USH2A: variants seen among roughly 807,000 people sequenced by gnomAD.
USH2A encodes the protein Usher syndrome 2A (autosomal recessive, mild).
In USH2A, 443 loss-of-function variants were observed where a neutral mutation model predicts 538.9. That is an observed-to-expected ratio of 0.82 (90% confidence interval 0.76 to 0.89). The LOEUF (loss-of-function observed/expected upper bound fraction) is 0.89. Among genes scored for constraint, USH2A ranks in the 40% least tolerant of loss-of-function variants. The pLI, the probability that USH2A is intolerant of heterozygous loss-of-function variation, is 0.00. For missense variants in USH2A, 6,633 were observed against 6,324.8 expected (o/e 1.05, Z -1.65); for synonymous variants, 2,413 against 2,273.5 (o/e 1.06, Z -1.75).
intron 4 of USH2A, among the ~76,000 whole-genome samples, chr1:216,341,096 C>T (rs2038068201): frequency 6.6e-6 from 1 of 152,086 alleles, no homozygotes; most frequent in Non-Finnish European, 1.5e-5. Context: ...TTAGAAAACG[C>T]CATTGTTTCA....
chr1:215,625,809 C>T lies in USH2A; in HGVS notation c.15581G>A (p.Arg5194His), dbSNP rs727505155. The change falls in exon 72 of 72, where the codon CGC becomes CAC. Residue 5194 changes from arginine (R) to histidine (H), a missense_variant. Arg to His is a conservative substitution (Grantham distance 29, BLOSUM62 0). Transcript: ENST00000307340. ...CAGGTGGGTGTCTGTGAATGTGGTG[C>T]GTTCCTTAGTCACTGAGCTGAAATC... ...IKDFSSVTKE[R>H]TTFTDTHL 47 of 1,613,912 alleles carry T rather than the reference C, an allele frequency of 2.9e-5. No individual in the cohort carries two copies. The highest frequency in any genetic ancestry group is 5.0e-5 in the Admixed American group (3 of 59,984).
chr1:216,344,965 C>T (rs1218973298), intron 4 of USH2A, among the ~76,000 whole-genome samples: 1 of 151,246 alleles, frequency 6.6e-6, no homozygotes, highest in Admixed American at 6.6e-5. Flanking sequence ...ATTAGGCATG[C>T]ATGTGAATGT....
chr1:215,878,437 C>G (rs1013233846), intron 42 of USH2A, among the ~76,000 whole-genome samples: 3 of 152,066 alleles, frequency 2.0e-5, no homozygotes, highest in Non-Finnish European at 4.4e-5. Flanking sequence ...TACATTTGTG[C>G]AAATGTATCA....
At position 215,863,033 on chromosome 1, in the gene USH2A, A is replaced by C. The variant is rs547640492; in HGVS notation, c.8845+3974T>G. On this transcript the variant is annotated intron_variant, in intron 44 of 71. Transcript: ENST00000307340. Reference sequence around the variant, plus strand: ...AGTATGATAGGAAGACTCAGGAAAGAACTTTGAGAAACATCTTTAGGGATG... The same window carrying C: ...AGTATGATAGGAAGACTCAGGAAAGCACTTTGAGAAACATCTTTAGGGATG... 2.6e-3 allele frequency among the ~76,000 whole-genome samples: 403 copies of C among 152,340 alleles called. 1 individual carries two copies. Among genetic ancestry groups the C allele is most frequent in the African/African-American group, 9.5e-3 (394 of 41,580 alleles).
chr1:216,145,890 G>A (rs2033689814), intron 21 of USH2A, among the ~76,000 whole-genome samples: 1 of 151,852 alleles, frequency 6.6e-6, no homozygotes, highest in Non-Finnish European at 1.5e-5. Context: ...CCCTTTGACT[G>A]TAATTTTCCT....
chr1:216,280,304 T>C (rs1247131219), intron 11 of USH2A, among the ~76,000 whole-genome samples: 2 of 152,080 alleles, frequency 1.3e-5, no homozygotes, highest in Non-Finnish European at 2.9e-5. Flanking sequence ...AGACTTCTTT[T>C]CCATGGTGAA....
intron 55 of USH2A, among the ~76,000 whole-genome samples, chr1:215,779,471 C>A (rs1318483621): frequency 6.6e-6 from 1 of 152,140 alleles, no homozygotes; most frequent in Admixed American, 6.5e-5. Flanking sequence ...TAACCTCTGG[C>A]TGATTTTCCC....
At chr1:216,403,211 A>G (rs541935270) in intron 3 of USH2A, among the ~76,000 whole-genome samples, 1 of 152,256 alleles carries the variant, frequency 6.6e-6, no homozygotes, top group African/African-American at 2.4e-5. Flanking sequence ...TGAATCAGAA[A>G]ATGCCTTGTG....
chr1:215,897,805 AAAG>A (rs1342515569), intron 40 of USH2A, among the ~76,000 whole-genome samples: 1 of 151,706 alleles, frequency 6.6e-6, no homozygotes, highest in Non-Finnish European at 1.5e-5. Context: ...AGAAACAAAG[AAAG>A]AAGAAAGAAA....
chr1:216,175,842 C>T (rs1371262218), intron 20 of USH2A, among the ~76,000 whole-genome samples: 1 of 152,148 alleles, frequency 6.6e-6, no homozygotes, highest in Non-Finnish European at 1.5e-5. Flanking sequence ...ACCCCAATGG[C>T]CCAGTTTCTG....
At chr1:215,963,258 C>T (rs577829364) in intron 37 of USH2A, among the ~76,000 whole-genome samples, 6 of 152,162 alleles carry the variant, frequency 3.9e-5, no homozygotes, top group Admixed American at 1.3e-4. Context: ...TCCCTACCCT[C>T]AGTGTAAATG....
intron 3 of USH2A, among the ~76,000 whole-genome samples, chr1:216,412,406 C>T (rs886781036): frequency 6.6e-6 from 1 of 152,036 alleles, no homozygotes; most frequent in Non-Finnish European, 1.5e-5. Flanking sequence ...TTCTATAAGG[C>T]ATGGGTCAGG....
chr1:215,681,332 A>G (rs1300335810), intron 61 of USH2A, among the ~76,000 whole-genome samples: 1 of 148,106 alleles, frequency 6.8e-6, no homozygotes, highest in African/African-American at 2.5e-5. Flanking sequence ...CACACACACG[A>G]ACACACACAC....
chr1:215,889,902 G>A (rs1014284010), intron 40 of USH2A, among the ~76,000 whole-genome samples: 2 of 152,114 alleles, frequency 1.3e-5, no homozygotes, highest in Admixed American at 6.5e-5. Flanking sequence ...CTCAGCCTGC[G>A]GGGGCAAAGT....
intron 44 of USH2A, among the ~76,000 whole-genome samples, chr1:215,853,235 G>C (rs913341598): frequency 3.3e-5 from 5 of 152,212 alleles, no homozygotes; most frequent in African/African-American, 1.2e-4. Flanking sequence ...GAAGCTGCCA[G>C]GTCTTGGGGG....
At chr1:215,950,079 G>A (rs144937918) in intron 37 of USH2A, among the ~76,000 whole-genome samples, 68 of 152,244 alleles carry the variant, frequency 4.5e-4, no homozygotes, top group Middle Eastern at 3.4e-3. Context: ...GTGAAATGAT[G>A]TAATTTTTTT....
rs954921190 is a variant in USH2A, at chr1:215,622,999, A to C, written c.*2782T>G. 2.6e-5 allele frequency: 4 copies of C among 152,166 alleles called. No homozygotes were observed. Among genetic ancestry groups the C allele is most frequent in the Non-Finnish European group, 4.4e-5 (3 of 68,000 alleles). 9.4% of individuals were successfully genotyped at this position (152,166 alleles called of 1,614,324 possible). On this transcript the variant is annotated 3_prime_UTR_variant, in exon 72 of 72. Transcript: ENST00000307340. ...TTTGTGACATAATTAAAAGTTCCTTATTAATGAATTCTTCCACTTGGACTA... is the reference window on the plus strand; with the variant it reads ...TTTGTGACATAATTAAAAGTTCCTTCTTAATGAATTCTTCCACTTGGACTA...
chr1:216,381,051 C>T (rs2038914314), intron 3 of USH2A, among the ~76,000 whole-genome samples: 2 of 151,450 alleles, frequency 1.3e-5, no homozygotes, highest in African/African-American at 4.9e-5. Flanking sequence ...TGTCATACAG[C>T]CAATAAGAAA....
intron 4 of USH2A, among the ~76,000 whole-genome samples, chr1:216,331,053 A>G (rs114016532): frequency 0.039 from 5,927 of 152,192 alleles, 175 homozygotes; most frequent in Middle Eastern, 0.11. Flanking sequence ...TTGCAATCAT[A>G]TCCATTGCTA....
Sources: gnomAD v4.1 joint callset for allele counts (sites outside exome capture counted in the v4.1 genomes callset) on GRCh38, gnomAD v4.1.1 for gene constraint, MANE v1.5 for transcripts, NCBI Gene and HGNC (gene_info 2026-07-23, HGNC 2026-07-21) for gene names.